C16orf95: variants seen among roughly 807,000 people sequenced by gnomAD.
The protein encoded by C16orf95 is chromosome 16 open reading frame 95, also known as uncharacterized protein C16orf95.
In C16orf95, 41 loss-of-function variants were observed where a neutral mutation model predicts 32.1. The observed-to-expected ratio is 1.28, with a 90% confidence interval of 1.00 to 1.66. The LOEUF is 1.66. Ranked by LOEUF, C16orf95 falls within the 40% of genes most tolerant of loss-of-function variation. The probability of loss-of-function intolerance (pLI) is 0.00; values close to 1 mark genes in which losing one functional copy is unlikely to be tolerated. For missense variants in C16orf95, 399 were observed against 325.9 expected (o/e 1.22, Z -1.73); for synonymous variants, 147 against 128.9 (o/e 1.14, Z -0.95).
chr16:87,311,353 C>A, intron 3 of C16orf95, 57 bp from the exon 4 acceptor site: 1 of 1,450,662 alleles, frequency 6.9e-7, no homozygotes, highest in South Asian at 1.3e-5. Context: ...TGCCTGTCCC[C>A]AATGACTCCC....
chr16:87,306,158 C>T (rs757857270), intron 5 of C16orf95: 9 of 355,114 alleles, frequency 2.5e-5, no homozygotes, highest in Middle Eastern at 7.3e-4. Context: ...GCATATGGAA[C>T]ATGTGCAATG....
chr16:87,303,148 TGG>T, intron 6 of C16orf95, 73 bp from the exon 7 acceptor site: 1 of 1,476,334 alleles, frequency 6.8e-7, no homozygotes, highest in South Asian at 1.2e-5. Flanking sequence ...CGCGTGCCCT[TGG>T]GAAACCTCCA....
chr16:87,302,877 T>A lies in C16orf95; in HGVS notation c.*180A>T. 1.5e-6 allele frequency: 1 copy of A among 658,008 alleles called. No individual in the cohort carries two copies. Among genetic ancestry groups the A allele is most frequent in the Non-Finnish European group, 2.7e-6 (1 of 373,396 alleles). The allele number at this position is 658,008 out of a possible 1,614,324, so 40.8% of individuals were successfully genotyped here. On this transcript the variant is annotated 3_prime_UTR_variant, in exon 7 of 7. Transcript: ENST00000567970. ...TAACAGAAACTCACCCACATTCACA[T>A]GAACTTTGCTACAACCAAGAATCAC...
chr16:87,305,784 C>T lies in C16orf95; in HGVS notation c.636G>A (p.Ala212=), dbSNP rs61741503. The change falls in exon 6 of 7, where the codon GCG becomes GCA. Residue 212 remains alanine, a synonymous_variant. Coordinates refer to ENST00000567970, the MANE Select transcript of C16orf95 (RefSeq NM_001195124.3). This position sits in a 1 kb window ranked among gnomAD's most constrained non-coding sequence, Gnocchi z 4.2. The stretch of plus-strand genomic sequence containing the variant: ...TCAGGAGGCCGAGGGGCAGCAGACG[C>T]GCTGCAGGAGCCGGTAGCTGGTCCT... ...PYQDQLPAPA[A]RLLPLGLLTL... is the part of the protein sequence containing the mutation. 0.014 allele frequency: 20,580 copies of T among 1,518,282 alleles called. 168 individuals carry two copies. Among genetic ancestry groups the T allele is most frequent in the Non-Finnish European group, 0.016 (18,068 of 1,138,208 alleles). The allele number at this position is 1,518,282 out of a possible 1,614,324, so 94.1% of individuals were successfully genotyped here.
At chr16:87,307,828 T>G (rs1364722664) in intron 5 of C16orf95, among the ~76,000 whole-genome samples, 1 of 152,158 alleles carries the variant, frequency 6.6e-6, no homozygotes, top group Non-Finnish European at 1.5e-5. Flanking sequence ...CTCTACAAGG[T>G]CAAGACACTT....
intron 2 of C16orf95, among the ~76,000 whole-genome samples, chr16:87,315,494 C>T (rs939906100): frequency 6.6e-6 from 1 of 152,206 alleles, no homozygotes; most frequent in East Asian, 1.9e-4. Context: ...ACCTTCGCAA[C>T]ACCCTCAGGC....
chr16:87,311,176 G>T lies in C16orf95; in HGVS notation c.451C>A (p.Pro151Thr). The change falls in exon 4 of 7, where the codon CCC (proline) becomes ACC (threonine). Residue 151 changes from proline to threonine, a missense_variant. Coordinates refer to ENST00000567970, the MANE Select transcript of C16orf95 (RefSeq NM_001195124.3). ...TGCTGCTGAGACCTCAGGACCTGGG[G>T]CACCCAGTAGGGCATCACTGCCTGG... The part of the protein sequence containing the change: ...RDQAVMPYWV[P>T]QVLRSQQQIV... 1 of 1,533,842 alleles carries T rather than the reference G, an allele frequency of 6.5e-7. No homozygotes were observed. Among genetic ancestry groups the T allele is most frequent in the Non-Finnish European group, 8.7e-7 (1 of 1,145,218 alleles).
chr16:87,315,588 C>T (rs1904314570), intron 2 of C16orf95, among the ~76,000 whole-genome samples, 184 bp downstream of exon 2: 1 of 152,240 alleles, frequency 6.6e-6, no homozygotes, highest in South Asian at 2.1e-4. Context: ...GCCTCCTGAA[C>T]TCTGAGGTGT....
chr16:87,311,040 T>C, intron 4 of C16orf95, 110 bp downstream of exon 4: 1 of 1,093,432 alleles, frequency 9.1e-7, no homozygotes, highest in Non-Finnish European at 1.3e-6. Context: ...CAGAGGCCTT[T>C]GTGGGAGCAG....
intron 5 of C16orf95, among the ~76,000 whole-genome samples, chr16:87,309,028 C>T (rs1332193842): frequency 2.0e-5 from 3 of 152,222 alleles, no homozygotes; most frequent in Non-Finnish European, 4.4e-5. Flanking sequence ...CCTTCAACAT[C>T]GCCTCATCCC....
At position 87,317,052 on chromosome 16, in the gene C16orf95, G is replaced by A. The variant is rs1418355646; in HGVS notation, c.152+39C>T. 2.7e-6 allele frequency: 4 copies of A among 1,473,902 alleles called. No individual in the cohort carries two copies. In the South Asian group the frequency reaches 4.0e-5, roughly 15 times the overall value. The allele number at this position is 1,473,902 out of a possible 1,614,324, so 91.3% of individuals were successfully genotyped here. On this transcript the variant is annotated intron_variant, in intron 1 of 6. Coordinates refer to ENST00000567970, the MANE Select transcript of C16orf95 (RefSeq NM_001195124.3). ...GCCGGGCCGGGAACTCACAGGCGAG[G>A]TGTCGGGTAGCCGCGGGCAGGATTC...
chr16:87,306,079 C>G, intron 5 of C16orf95, 174 bp from the exon 6 acceptor site: 1 of 455,702 alleles, frequency 2.2e-6, no homozygotes, highest in East Asian at 3.6e-5. Context: ...GGCCGTCTTG[C>G]GGGTTTATGA....
At chr16:87,310,470 C>G (rs1567604577) in intron 4 of C16orf95, 137 bp from the exon 5 acceptor site, 3 of 784,950 alleles carry the variant, frequency 3.8e-6, no homozygotes, top group East Asian at 5.4e-5. Context: ...CTTATGAGGT[C>G]TGCGGGCTCT....
intron 5 of C16orf95, among the ~76,000 whole-genome samples, 189 bp downstream of exon 5, chr16:87,310,108 C>G (rs1911213263): frequency 6.6e-6 from 1 of 152,176 alleles, no homozygotes; most frequent in Admixed American, 6.5e-5. Context: ...TTTCTCTGGG[C>G]TCACTGGGGG....
Position 87,317,364 on chromosome 16 carries a change from A to G in C16orf95, c.-122T>C. The G allele has an allele frequency of 1.4e-6, 2 of 1,398,198 alleles. No individual in the cohort carries two copies. Among genetic ancestry groups the G allele is most frequent in the East Asian group, 2.8e-5 (1 of 35,768 alleles). 86.6% of individuals were successfully genotyped at this position (1,398,198 alleles called of 1,614,324 possible). A position where few individuals can be genotyped will look rare whatever the true frequency, so the allele number is the denominator to read the frequency against. ...CAACCCGAGCTCAACCCCAGCCCCA[A>G]CCTCAACCGCTCAGAGGAGCCCAAC... On this transcript the variant is annotated 5_prime_UTR_variant, in exon 1 of 7. Transcript: ENST00000567970.
chr16:87,317,348 C>T lies in C16orf95; in HGVS notation c.-106G>A. The T allele has an allele frequency of 1.4e-6, 2 of 1,429,246 alleles. No individual in the cohort carries two copies. Among genetic ancestry groups the T allele is most frequent in the African/African-American group, 1.4e-5 (1 of 69,472 alleles). The allele number at this position is 1,429,246 out of a possible 1,614,324, so 88.5% of individuals were successfully genotyped here. A position where few individuals can be genotyped will look rare whatever the true frequency, so the allele number is the denominator to read the frequency against. On this transcript the variant is annotated 5_prime_UTR_variant, in exon 1 of 7. Transcript: ENST00000567970. ...TGCCCCAGGAGGAACCCAACCCGAG[C>T]TCAACCCCAGCCCCAACCTCAACCG... is the stretch of plus-strand genomic sequence containing the variant.
At chr16:87,308,344 G>A (rs924001061) in intron 5 of C16orf95, among the ~76,000 whole-genome samples, 22 of 152,054 alleles carry the variant, frequency 1.4e-4, no homozygotes, top group Admixed American at 1.4e-3. Context: ...AGCCAGGCAT[G>A]GTGGCACACA....
At chr16:87,307,786 T>TA (rs1333563190) in intron 5 of C16orf95, among the ~76,000 whole-genome samples, 1 of 151,962 alleles carries the variant, frequency 6.6e-6, no homozygotes, top group Non-Finnish European at 1.5e-5. Flanking sequence ...AAATAAAAAA[T>TA]AAAAAATATC....
intron 6 of C16orf95, 173 bp from the exon 7 acceptor site, chr16:87,303,248 G>T: frequency 1.6e-6 from 1 of 628,874 alleles, no homozygotes; most frequent in Non-Finnish European, 2.8e-6. Context: ...GTGGGGTGCA[G>T]TCCTGGCCAT....
Sources: allele counts gnomAD v4.1 joint callset (sites outside exome capture counted in the v4.1 genomes callset), GRCh38; gene constraint gnomAD v4.1.1; non-coding constraint Gnocchi (gnomAD v3.1); transcripts MANE v1.5; gene names NCBI Gene and HGNC (gene_info 2026-07-23, HGNC 2026-07-21).